The following HIVEP1 variants were observed in gnomAD, a reference collection of about 807,000 sequenced individuals.
HIVEP1 encodes zinc finger protein 40.
A neutral mutation model predicts 180.0 loss-of-function variants in HIVEP1; 36 were observed. That is an observed-to-expected ratio of 0.20 (90% confidence interval 0.15 to 0.26). The LOEUF (loss-of-function observed/expected upper bound fraction) is 0.26, where lower values mean the gene tolerates loss of function less well. HIVEP1 is among the 10% of genes least tolerant of loss of function. The pLI, the probability that HIVEP1 is intolerant of heterozygous loss-of-function variation, is 1.00. For synonymous variants in HIVEP1, 1,239 were observed against 1,239.0 expected (o/e 1.00, Z 0.00); for missense variants, 3,143 against 3,268.7 (o/e 0.96, Z 0.94).
chr6:12,170,283 A>G, the HIVEP1 span, among the ~76,000 whole-genome samples: 1 of 151,964 alleles, frequency 6.6e-6, no homozygotes, highest in Non-Finnish European at 1.5e-5. Flanking sequence ...CGAATGAAGG[A>G]GAATTCCTGG....
rs1775516391 is a variant in HIVEP1, at chr6:12,120,676, C to T, written c.881C>T (p.Ser294Phe). ...YHQHEHFVPK[S>F]NQHNQQLPGC... ...CAACATGAACACTTTGTTCCCAAAT[C>T]CAACCAACATAATCAACAGCTTCCG... is the stretch of plus-strand genomic sequence containing the variant. Residue 294 changes from serine (S) to phenylalanine (F), a missense_variant, in exon 4 of 9, where the codon TCC becomes TTC. Coordinates refer to ENST00000379388, the MANE Select transcript of HIVEP1 (RefSeq NM_002114.4). The T allele has an allele frequency of 6.2e-7, 1 of 1,614,086 alleles. No individual in the cohort carries two copies. Among genetic ancestry groups the T allele is most frequent in the South Asian group, 1.1e-5 (1 of 91,084 alleles).
chr6:12,208,719 A>T, the HIVEP1 span, among the ~76,000 whole-genome samples: 1 of 152,198 alleles, frequency 6.6e-6, no homozygotes, highest in Non-Finnish European at 1.5e-5. Flanking sequence ...ACACAGAGGG[A>T]ATCCCATGTG....
At chr6:12,195,222 C>T in the HIVEP1 span, among the ~76,000 whole-genome samples, 66 of 152,342 alleles carry the variant, frequency 4.3e-4, no homozygotes, top group African/African-American at 1.5e-3. Flanking sequence ...AGCTACTAGA[C>T]GAGTTCCCTG....
At chr6:12,070,352 G>A (rs1771887005) in intron 2 of HIVEP1, among the ~76,000 whole-genome samples, 1 of 152,174 alleles carries the variant, frequency 6.6e-6, no homozygotes, top group Non-Finnish European at 1.5e-5. Flanking sequence ...CGTGATGACT[G>A]TGTTGCATTA....
rs371593450 is a variant in HIVEP1, at chr6:12,121,346, C to T, written c.1551C>T (p.His517=). ...GCGCCATGGAGCTGCAGCCTGTGCA[C>T]ATAATAAAGAGGATGTCAAATGCTG... ...DLGAMELQPV[H]IIKRMSNAET... The change falls in exon 4 of 9, where the codon CAC becomes CAT. Residue 517 remains histidine (H), a synonymous_variant. Coordinates refer to ENST00000379388, the MANE Select transcript of HIVEP1 (RefSeq NM_002114.4). This position sits in a 1 kb window ranked among gnomAD's most constrained non-coding sequence, Gnocchi z 5.3. 6.2e-7 allele frequency: 1 copy of T among 1,614,090 alleles called. No individual in the cohort carries two copies. Among genetic ancestry groups the T allele is most frequent in the East Asian group, 2.2e-5 (1 of 44,872 alleles).
chr6:12,177,799 C>CATT, the HIVEP1 span, among the ~76,000 whole-genome samples: 1 of 152,054 alleles, frequency 6.6e-6, no homozygotes, highest in Non-Finnish European at 1.5e-5. Context: ...ATTTGTTATT[C>CATT]ATTTGTATGT....
chr6:12,055,650 G>GGT (rs1770821829), intron 2 of HIVEP1, among the ~76,000 whole-genome samples: 1 of 152,058 alleles, frequency 6.6e-6, no homozygotes, highest in African/African-American at 2.4e-5. Context: ...TAATCCTTTT[G>GGT]GTTGGATATT....
chr6:12,133,493 C>G (rs547367976), intron 6 of HIVEP1, among the ~76,000 whole-genome samples: 1 of 152,060 alleles, frequency 6.6e-6, no homozygotes, highest in Admixed American at 6.5e-5. Flanking sequence ...GGCACACTTT[C>G]AATATTTTGT....
At chr6:12,144,550 A>C (rs538232915) in intron 7 of HIVEP1, among the ~76,000 whole-genome samples, 12 of 152,300 alleles carry the variant, frequency 7.9e-5, no homozygotes, top group African/African-American at 2.9e-4. Flanking sequence ...TAAACTAAAG[A>C]GCTTCTGCAC....
chr6:12,073,259 G>T (rs1772108838), intron 2 of HIVEP1, among the ~76,000 whole-genome samples: 1 of 152,156 alleles, frequency 6.6e-6, no homozygotes, highest in African/African-American at 2.4e-5. Context: ...CTAGCTCCTT[G>T]TCCCCCATAT....
In HIVEP1 at chr6:12,130,910, G is replaced by A; in HGVS notation, c.6353G>A (p.Cys2118Tyr). 1 of 1,610,514 alleles carries A rather than the reference G, an allele frequency of 6.2e-7. No homozygotes were observed. Among genetic ancestry groups the A allele is most frequent in the African/African-American group, 1.3e-5 (1 of 74,968 alleles). Residue 2118 changes from cysteine to tyrosine, a missense_variant, in exon 6 of 9, where the codon TGC (cysteine) becomes TAC (tyrosine). Coordinates refer to ENST00000379388, the MANE Select transcript of HIVEP1 (RefSeq NM_002114.4). ...RTHTDVRPYH[C>Y]TYCNFSFKTK... ...CATACAGATGTCCGCCCCTACCACT[G>A]CACTTACTGTAACTTCTCCTTTAAG...
chr6:12,180,210 C>T, the HIVEP1 span, among the ~76,000 whole-genome samples: 2 of 152,102 alleles, frequency 1.3e-5, no homozygotes, highest in South Asian at 2.1e-4. Flanking sequence ...TTGCCTGAGG[C>T]CCCGGAAAAT....
intron 2 of HIVEP1, among the ~76,000 whole-genome samples, chr6:12,071,687 T>A (rs2113786293): frequency 6.6e-6 from 1 of 152,366 alleles, no homozygotes; most frequent in East Asian, 1.9e-4. Context: ...ACCATCTATT[T>A]TATTTCAGTT....
rs185007377 is a variant in HIVEP1, at chr6:12,036,921, A to C, written c.40+21253A>C. Among the ~76,000 whole-genome samples the C allele has an allele frequency of 4.9e-4, 74 of 152,320 alleles. No individual in the cohort carries two copies. In the East Asian group the frequency reaches 0.013, roughly 26 times the overall value. On this transcript the variant is annotated intron_variant, in intron 2 of 8. Transcript: ENST00000379388. ...TTCATCTCAAAAACCAAAACCAAAAACAAACAAACAAAAAACAGCCCTCCA... is the reference window on the plus strand; with the variant it reads ...TTCATCTCAAAAACCAAAACCAAAACCAAACAAACAAAAAACAGCCCTCCA...
the HIVEP1 span, among the ~76,000 whole-genome samples, chr6:12,184,018 T>TAGACAGACAGACAGACAGAC: frequency 9.2e-5 from 12 of 130,024 alleles, no homozygotes; most frequent in South Asian, 2.5e-4. Flanking sequence ...GATAGATAGA[T>TAGACAGACAGACAGACAGAC]AGATAGACAG....
chr6:12,138,247 A>G (rs1478190883), intron 7 of HIVEP1, among the ~76,000 whole-genome samples: 2 of 152,168 alleles, frequency 1.3e-5, no homozygotes, highest in Non-Finnish European at 2.9e-5. Context: ...GAGACTTTCC[A>G]TTTCCTCACC....
At chr6:12,029,245 A>G (rs540442233) in intron 2 of HIVEP1, among the ~76,000 whole-genome samples, 2 of 152,274 alleles carry the variant, frequency 1.3e-5, no homozygotes, top group East Asian at 1.9e-4. Flanking sequence ...TGATATTACT[A>G]TAGAGACTAG....
intron 7 of HIVEP1, among the ~76,000 whole-genome samples, chr6:12,157,739 G>A (rs1325139691): frequency 6.7e-6 from 1 of 149,188 alleles, no homozygotes; most frequent in African/African-American, 2.5e-5. Context: ...GTAGATCCGG[G>A]CCTCCATCTG....
the HIVEP1 span, among the ~76,000 whole-genome samples, chr6:12,176,239 T>TTC: frequency 4.6e-5 from 7 of 151,010 alleles, no homozygotes; most frequent in East Asian, 1.2e-3. Flanking sequence ...TTGGGTTTTT[T>TTC]TTTTTTTTTT....
Sources: allele counts gnomAD v4.1 joint callset (sites outside exome capture counted in the v4.1 genomes callset), GRCh38; gene constraint gnomAD v4.1.1; non-coding constraint Gnocchi (gnomAD v3.1); transcripts MANE v1.5; gene names NCBI Gene and HGNC (gene_info 2026-07-23, HGNC 2026-07-21).